Variants in GATD1 observed in about 807,000 individuals in gnomAD.
GATD1 encodes glutamine amidotransferase-like class 1 domain-containing protein 1.
GATD1 carries 23 observed loss-of-function variants against 25.9 expected under a neutral mutation model. That is an observed-to-expected ratio of 0.89 (90% confidence interval 0.64 to 1.26). The LOEUF is 1.26. GATD1 is among the 50% of genes most tolerant of loss of function. The probability of loss-of-function intolerance (pLI) is 0.00; values close to 1 mark genes in which losing one functional copy is unlikely to be tolerated. For missense variants in GATD1, 347 were observed against 312.5 expected, an observed-to-expected ratio of 1.11 and a Z score of -0.83; for synonymous variants, 177 against 134.6, an observed-to-expected ratio of 1.31 and a Z score of -2.18.
Position 768,937 on chromosome 11 carries a change from C to T in GATD1, c.*1960G>A, listed in dbSNP as rs530779592. ...CCAACATGGTGAAACTCGGTCTCTA[C>T]GAAAAATACAAAAATTAGCCAGGCG... On this transcript the variant is annotated 3_prime_UTR_variant, in exon 8 of 8. Transcript: ENST00000319863. The T allele has an allele frequency of 3.0e-5, 5 of 167,278 alleles. No individual in the cohort carries two copies. Among genetic ancestry groups the T allele is most frequent in the Admixed American group, 6.6e-5 (1 of 15,214 alleles). 10.4% of individuals were successfully genotyped at this position (167,278 alleles called of 1,614,324 possible). A position where few individuals can be genotyped will look rare whatever the true frequency, so the allele number is the denominator to read the frequency against.
Position 773,561 on chromosome 11 carries a change from A to T in GATD1, c.316T>A (p.Ser106Thr), listed in dbSNP as rs2133632254. Reference sequence around the variant, plus strand: ...AAGTGCTGCAGGATACGGGCCAGGGAGCCACTGCTGGCCAGGTCGGTCAGG... The same window carrying T: ...AAGTGCTGCAGGATACGGGCCAGGGTGCCACTGCTGGCCAGGTCGGTCAGG... ...GALTDLASSG[S>T]LARILQHFHS... The change falls in exon 4 of 8, where the codon TCC becomes ACC. Residue 106 changes from serine (S) to threonine (T), a missense_variant. Transcript: ENST00000319863. 6.2e-7 allele frequency: 1 copy of T among 1,610,484 alleles called. No individual in the cohort carries two copies. The highest frequency in any genetic ancestry group is 8.5e-7 in the Non-Finnish European group (1 of 1,179,144).
At chr11:776,079 C>A (rs577625887) in intron 1 of GATD1, among the ~76,000 whole-genome samples, 2 of 147,030 alleles carry the variant, frequency 1.4e-5, no homozygotes, top group East Asian at 4.1e-4. Context: ...ACCTTCCAGG[C>A]TCAAGCAATT....
At chr11:773,734 C>A (rs1307077095) in intron 3 of GATD1, 105 bp from the exon 4 acceptor site, 14 of 841,842 alleles carry the variant, frequency 1.7e-5, no homozygotes, top group Non-Finnish European at 2.2e-5. Flanking sequence ...CAGGGACCAG[C>A]CAGCCTGGTG....
At chr11:774,162 T>G (rs376932046) in intron 2 of GATD1, 49 bp from the exon 3 acceptor site, 2 of 1,518,136 alleles carry the variant, frequency 1.3e-6, no homozygotes, top group Non-Finnish European at 1.8e-6. Context: ...GGGATATCCC[T>G]GTCGGCTCAG....
Position 772,414 on chromosome 11 carries a change from T to A in GATD1, c.450+13A>T. The A allele has an allele frequency of 6.2e-7, 1 of 1,611,512 alleles. No homozygotes were observed. Among genetic ancestry groups the A allele is most frequent in the Non-Finnish European group, 8.5e-7 (1 of 1,179,040 alleles). On this transcript the variant is annotated intron_variant, in intron 5 of 7. Transcript: ENST00000319863. ...GCAGGGAGCACAGCGTGCCTCGGCC[T>A]CCAGACACTCACCCCTGTCAGGCTG...
Position 775,035 on chromosome 11 carries a change from T to C in GATD1, c.141+31A>G, listed in dbSNP as rs773627168. ...CGGAGAGGTGGAGACAGACCCCAAG[T>C]GTCCAGTGGGGAAGGAGAGGCTGGA... On this transcript the variant is annotated intron_variant, in intron 2 of 7. Transcript: ENST00000319863. 7 of 1,567,146 alleles carry C rather than the reference T, an allele frequency of 4.5e-6. No homozygotes were observed. In the African/African-American group the frequency reaches 8.1e-5, roughly 18 times the overall value.
At chr11:771,505 G>A (rs1863445802) in intron 5 of GATD1, 79 bp from the exon 6 acceptor site, 12 of 1,452,640 alleles carry the variant, frequency 8.3e-6, no homozygotes, top group Non-Finnish European at 9.9e-6. Context: ...GTCAAGTCAG[G>A]GCAGGGAGCC....
In GATD1 at chr11:774,083, C is replaced by T. The variant is rs1426597395; in HGVS notation, c.172G>A (p.Glu58Lys). ...GKAMEFVDVT[E>K]SNARWVQDFR... ...TCTTGCACCCAGCGTGCATTGCTCT[C>T]AGTCACATCCACAAATTCCATGGCT... Residue 58 changes from glutamate to lysine, a missense_variant, in exon 3 of 8, where the codon GAG (glutamate) becomes AAG (lysine). Glu to Lys is a moderately conservative substitution (Grantham distance 56, BLOSUM62 1). Coordinates refer to ENST00000319863, the MANE Select transcript of GATD1 (RefSeq NM_182612.4). 4.3e-6 allele frequency: 7 copies of T among 1,613,714 alleles called. No individual in the cohort carries two copies. Among genetic ancestry groups the T allele is most frequent in the Non-Finnish European group, 5.9e-6 (7 of 1,179,976 alleles).
Position 770,805 on chromosome 11 carries a change from C to T in GATD1, c.*92G>A. 1 of 1,541,954 alleles carries T rather than the reference C, an allele frequency of 6.5e-7. No individual in the cohort carries two copies. Among genetic ancestry groups the T allele is most frequent in the African/African-American group, 1.4e-5 (1 of 73,268 alleles). The stretch of plus-strand genomic sequence containing the variant: ...CCAGGCTGCCATCCAGGGCCCTTGT[C>T]AGGAGGGAAGAGGCGGGGTCCCTGA... On this transcript the variant is annotated 3_prime_UTR_variant, in exon 8 of 8. Coordinates refer to ENST00000319863, the MANE Select transcript of GATD1 (RefSeq NM_182612.4).
Position 770,277 on chromosome 11 carries a change from C to T in GATD1, c.*620G>A. The stretch of plus-strand genomic sequence containing the variant: ...CATATTCACAAGTAAACGTGCCTCT[C>T]AATGCTTAGGACAGGGTGCATCACT... On this transcript the variant is annotated 3_prime_UTR_variant, in exon 8 of 8. Coordinates refer to ENST00000319863, the MANE Select transcript of GATD1 (RefSeq NM_182612.4). 1 of 1,466,780 alleles carries T rather than the reference C, an allele frequency of 6.8e-7. No homozygotes were observed. Among genetic ancestry groups the T allele is most frequent in the Non-Finnish European group, 9.0e-7 (1 of 1,109,880 alleles). 90.9% of individuals were successfully genotyped at this position (1,466,780 alleles called of 1,614,324 possible). A position where few individuals can be genotyped will look rare whatever the true frequency, so the allele number is the denominator to read the frequency against.
intron 5 of GATD1, 155 bp from the exon 6 acceptor site, chr11:771,581 G>C (rs563152450): frequency 1.4e-6 from 2 of 1,399,614 alleles, no homozygotes; most frequent in African/African-American, 2.9e-5. Flanking sequence ...AGGCTGGAGG[G>C]CGGAGAGATG....
Position 777,434 on chromosome 11 carries a change from G to T in GATD1, c.29C>A (p.Pro10His), listed in dbSNP as rs1343035394. Residue 10 changes from proline to histidine, a missense_variant, in exon 1 of 8, where the codon CCC becomes CAC. By Grantham distance (77) the Pro-to-His change is moderately conservative (BLOSUM62 -2). Transcript: ENST00000319863. Reference sequence around the variant, plus strand: ...GCCGCTGGCCACGAGCAGACAGGCGGGCCTGTTAGGGAGCCGCTCGGACGC... The same window carrying T: ...GCCGCTGGCCACGAGCAGACAGGCGTGCCTGTTAGGGAGCCGCTCGGACGC... MASERLPNR[P>H]ACLLVASGAA... 7.9e-7 allele frequency: 1 copy of T among 1,269,350 alleles called. No individual in the cohort carries two copies. Among genetic ancestry groups the T allele is most frequent in the Non-Finnish European group, 9.9e-7 (1 of 1,007,568 alleles). The allele number at this position is 1,269,350 out of a possible 1,614,324, so 78.6% of individuals were successfully genotyped here. A position where few individuals can be genotyped will look rare whatever the true frequency, so the allele number is the denominator to read the frequency against.
chr11:770,605 C>G lies in GATD1; in HGVS notation c.*292G>C. ...AACCAGTCCTCCCTAGAAAACCCAG[C>G]CTGGAATTCCCGAGGACCACCTAGC... On this transcript the variant is annotated 3_prime_UTR_variant, in exon 8 of 8. Transcript: ENST00000319863. 1 of 1,410,726 alleles carries G rather than the reference C, an allele frequency of 7.1e-7. No homozygotes were observed. The highest frequency in any genetic ancestry group is 9.2e-7 in the Non-Finnish European group (1 of 1,085,570). 87.4% of individuals were successfully genotyped at this position (1,410,726 alleles called of 1,614,324 possible). A position where few individuals can be genotyped will look rare whatever the true frequency, so the allele number is the denominator to read the frequency against.
intron 3 of GATD1, 24 bp from the exon 4 acceptor site, chr11:773,653 T>C (rs763254314): frequency 6.4e-7 from 1 of 1,555,012 alleles, no homozygotes; most frequent in Admixed American, 1.8e-5. Flanking sequence ...ACAAACCAGG[T>C]AGCAGCCACA....
intron 4 of GATD1, 83 bp from the exon 5 acceptor site, chr11:772,604 C>G: frequency 7.6e-7 from 1 of 1,318,324 alleles, no homozygotes; most frequent in Non-Finnish European, 1.1e-6. Flanking sequence ...GCTTGTGGCT[C>G]CCCCAGGCTT....
At chr11:772,622 C>T in intron 4 of GATD1, 101 bp from the exon 5 acceptor site, 1 of 1,074,706 alleles carries the variant, frequency 9.3e-7, no homozygotes, top group South Asian at 1.3e-5. Flanking sequence ...CTTGTGCCGC[C>T]TGCCTGGCCC....
At chr11:773,350 G>C (rs1202223499) in intron 4 of GATD1, 172 bp downstream of exon 4, 1 of 601,618 alleles carries the variant, frequency 1.7e-6, no homozygotes, top group Non-Finnish European at 2.9e-6. Context: ...GTCTGTGTGT[G>C]TCGGGGGAAG....
At chr11:777,150 T>C (rs1427313133) in intron 1 of GATD1, 12 of 282,534 alleles carry the variant, frequency 4.2e-5, no homozygotes, top group Non-Finnish European at 7.9e-5. Context: ...CCGGGATCCA[T>C]CACGACCCCC....
chr11:771,032 A>AC lies in GATD1; in HGVS notation c.616dup (p.Val206GlyfsTer25). The AC allele has an allele frequency of 6.2e-7, 1 of 1,613,156 alleles. No homozygotes were observed. The highest frequency in any genetic ancestry group is 1.1e-5 in the South Asian group (1 of 91,058). ...GAAGAGCAGGTTCTGCACGGCCGGG[A>AC]CAGTGGAGCTGGCATTCTGGCCTGT... On this transcript the variant is annotated frameshift_variant, in exon 7 of 8. Transcript: ENST00000319863. LOFTEE classifies it high-confidence loss of function.
Sources: gnomAD v4.1 joint callset for allele counts (sites outside exome capture counted in the v4.1 genomes callset) on GRCh38, gnomAD v4.1.1 for gene constraint, MANE v1.5 for transcripts, NCBI Gene and HGNC (gene_info 2026-07-23, HGNC 2026-07-21) for gene names.